Variants in CPA6 observed in about 807,000 individuals in gnomAD.
The protein encoded by CPA6 is carboxypeptidase B.
A neutral mutation model predicts 63.3 loss-of-function variants in CPA6; 58 were observed. The ratio of observed to expected loss-of-function variants is 0.92; its 90% confidence interval spans 0.74 to 1.14. The LOEUF is 1.14. Ranked by LOEUF, CPA6 falls within the 50% of genes most tolerant of loss-of-function variation. CPA6 has a pLI of 0.00. For missense variants in CPA6, 565 were observed against 526.6 expected (o/e 1.07, Z -0.71); for synonymous variants, 185 against 179.0 (o/e 1.03, Z -0.27).
chr8:67,531,387 G>C (rs1427878687), intron 2 of CPA6, among the ~76,000 whole-genome samples: 1 of 151,878 alleles, frequency 6.6e-6, no homozygotes, highest in African/African-American at 2.4e-5. Flanking sequence ...CATAAAACTA[G>C]AATGGTTGAA....
intron 1 of CPA6, among the ~76,000 whole-genome samples, chr8:67,686,125 AC>A (rs78028548): frequency 0.057 from 8,738 of 152,156 alleles, 367 homozygotes; most frequent in East Asian, 0.14. Context: ...AATGACCAGA[AC>A]CCCATTTTCC....
chr8:67,459,216 G>A (rs1810745028), intron 8 of CPA6, among the ~76,000 whole-genome samples: 1 of 152,056 alleles, frequency 6.6e-6, no homozygotes, highest in Non-Finnish European at 1.5e-5. Context: ...GTAGAGATGG[G>A]GTTTTGCCAC....
intron 2 of CPA6, among the ~76,000 whole-genome samples, chr8:67,571,729 A>G (rs1813490769): frequency 6.6e-6 from 1 of 152,182 alleles, no homozygotes; most frequent in Non-Finnish European, 1.5e-5. Context: ...AAACGCCTAC[A>G]TCAAAAGAGA....
intron 2 of CPA6, among the ~76,000 whole-genome samples, chr8:67,543,932 C>T (rs1720762587): frequency 6.6e-6 from 1 of 151,936 alleles, no homozygotes; most frequent in South Asian, 2.1e-4. Context: ...TACAGGTGCA[C>T]ACCACCATGC....
At chr8:67,526,507 C>T (rs186233031) in intron 2 of CPA6, among the ~76,000 whole-genome samples, 90 of 152,284 alleles carry the variant, frequency 5.9e-4, no homozygotes, top group Non-Finnish European at 8.1e-4. Context: ...TATAGTCTTG[C>T]TGTGGGAGCT....
At chr8:67,729,682 T>C (rs1241222299) in intron 1 of CPA6, among the ~76,000 whole-genome samples, 1 of 152,238 alleles carries the variant, frequency 6.6e-6, no homozygotes, top group Non-Finnish European at 1.5e-5. Context: ...CTAGTTTCTA[T>C]TAATGGCAAC....
intron 10 of CPA6, among the ~76,000 whole-genome samples, chr8:67,423,694 AT>A (rs781494633): frequency 2.0e-5 from 3 of 152,208 alleles, no homozygotes; most frequent in Non-Finnish European, 4.4e-5. Flanking sequence ...ACACTACCTC[AT>A]TACTGAAGTC....
rs759587569 is a variant in CPA6, at chr8:67,517,971, C to A, written c.269G>T (p.Gly90Val). 6.2e-7 allele frequency: 1 copy of A among 1,612,762 alleles called. No individual in the cohort carries two copies. Among genetic ancestry groups the A allele is most frequent in the African/African-American group, 1.3e-5 (1 of 74,834 alleles). The change falls in exon 3 of 11, where the codon GGT becomes GTT. Residue 90 changes from glycine to valine, a missense_variant. Coordinates refer to ENST00000297770, the MANE Select transcript of CPA6 (RefSeq NM_020361.5). ...TAAGAAGGCTAACAGGGCTCGGGAA[C>A]CATTTTGGGGGATATGGACATCAGT... ...TVTDVHIPQN[G>V]SRALLAFLQE...
intron 1 of CPA6, among the ~76,000 whole-genome samples, chr8:67,719,773 G>A (rs907961715): frequency 6.6e-6 from 1 of 152,074 alleles, no homozygotes; most frequent in East Asian, 1.9e-4. Flanking sequence ...CTGAAGTAGG[G>A]GAGAAAGAAA....
intron 1 of CPA6, among the ~76,000 whole-genome samples, chr8:67,719,227 G>T (rs184842085): frequency 6.6e-6 from 1 of 152,270 alleles, no homozygotes; most frequent in East Asian, 1.9e-4. Flanking sequence ...AGCATGCCAG[G>T]GGAGAGATGT....
chr8:67,713,267 AC>A (rs1817311321), intron 1 of CPA6, among the ~76,000 whole-genome samples: 1 of 151,424 alleles, frequency 6.6e-6, no homozygotes, highest in South Asian at 2.1e-4. Flanking sequence ...ATATTTTCAG[AC>A]CACAGTCGAT....
chr8:67,509,525 TAAA>T lies in CPA6; in HGVS notation c.523_525del (p.Phe175del). 6.6e-7 allele frequency: 1 copy of T among 1,520,116 alleles called. No individual in the cohort carries two copies. The allele number at this position is 1,520,116 out of a possible 1,614,324, so 94.2% of individuals were successfully genotyped here. ...CAATTGCTTATTTTTACCTTTAAAATAAAAAGAGATCTTCCCTCATATGATCTT... is the reference window on the plus strand; with the variant it reads ...CAATTGCTTATTTTTACCTTTAAAATAAGAGATCTTCCCTCATATGATCTT... On this transcript the variant is annotated inframe_deletion, in exon 5 of 11. Transcript: ENST00000297770.
At chr8:67,442,972 A>G (rs952291233) in intron 8 of CPA6, among the ~76,000 whole-genome samples, 3 of 152,104 alleles carry the variant, frequency 2.0e-5, no homozygotes, top group African/African-American at 4.8e-5. Context: ...AGAGCTGCAT[A>G]TTAGTCTGAG....
intron 2 of CPA6, among the ~76,000 whole-genome samples, chr8:67,553,505 A>T (rs1812995450): frequency 6.6e-6 from 1 of 152,238 alleles, no homozygotes; most frequent in African/African-American, 2.4e-5. Flanking sequence ...GGTATGGATT[A>T]TACCATAGCT....
intron 2 of CPA6, among the ~76,000 whole-genome samples, chr8:67,601,007 A>G (rs1053095222): frequency 3.3e-5 from 5 of 152,224 alleles, no homozygotes; most frequent in African/African-American, 1.2e-4. Flanking sequence ...ATGCATGTAT[A>G]TAATAAAATC....
intron 8 of CPA6, among the ~76,000 whole-genome samples, chr8:67,469,406 G>GA (rs1337160680): frequency 5.9e-5 from 9 of 152,142 alleles, no homozygotes; most frequent in African/African-American, 2.2e-4. Context: ...AGGAGTTTGA[G>GA]ACCAGCCTGG....
At chr8:67,461,752 C>T (rs574637296) in intron 8 of CPA6, among the ~76,000 whole-genome samples, 2 of 151,808 alleles carry the variant, frequency 1.3e-5, no homozygotes, top group African/African-American at 4.8e-5. Context: ...GCCTCACTTC[C>T]TAGTAGGGGC....
At chr8:67,642,043 C>T (rs779878429) in intron 1 of CPA6, among the ~76,000 whole-genome samples, 21 of 152,124 alleles carry the variant, frequency 1.4e-4, no homozygotes, top group African/African-American at 1.9e-4. Flanking sequence ...GACATTAGGT[C>T]GGGCATGGTG....
chr8:67,680,358 C>G (rs1816566090), intron 1 of CPA6, among the ~76,000 whole-genome samples: 1 of 151,952 alleles, frequency 6.6e-6, no homozygotes, highest in Admixed American at 6.6e-5. Context: ...AAGAAATTAG[C>G]CAGGTGTGGT....
Sources: gnomAD v4.1 joint callset for allele counts (sites outside exome capture counted in the v4.1 genomes callset) on GRCh38, gnomAD v4.1.1 for gene constraint, MANE v1.5 for transcripts, NCBI Gene and HGNC (gene_info 2026-07-23, HGNC 2026-07-21) for gene names.